TRIL: variants seen among roughly 807,000 people sequenced by gnomAD.
TRIL encodes the protein TLR4 interactor with leucine rich repeats.
TRIL carries 23 observed loss-of-function variants against 43.0 expected under a neutral mutation model. The ratio of observed to expected loss-of-function variants is 0.54; its 90% CI spans 0.39 to 0.76. TRIL has a LOEUF of 0.76. Among genes scored for constraint, TRIL ranks in the 30% least tolerant of loss-of-function variants. TRIL has a pLI of 0.00. For missense variants in TRIL, 1,114 were observed against 1,139.3 expected, an observed-to-expected ratio of 0.98 and a Z score of 0.32; for synonymous variants, 602 against 556.8, an observed-to-expected ratio of 1.08 and a Z score of -1.14.
Position 28,957,784 on chromosome 7 carries a change from A to AGCCG in TRIL, c.259_262dup (p.Leu88ProfsTer185). The stretch of plus-strand genomic sequence containing the variant: ...GCGGATCTGGTTGTACTGCAGGTCC[A>AGCCG]GCCGTCTGAGCTGCCCCAGACGGTG... On this transcript the variant is annotated frameshift_variant, in exon 1 of 1. Transcript: ENST00000539664. LOFTEE classifies it high-confidence loss of function. The AGCCG allele has an allele frequency of 6.2e-7, 1 of 1,613,978 alleles. No individual in the cohort carries two copies. Among genetic ancestry groups the AGCCG allele is most frequent in the Non-Finnish European group, 8.5e-7 (1 of 1,179,846 alleles).
Position 28,957,367 on chromosome 7 carries a change from G to T in TRIL, c.680C>A (p.Pro227Gln). The T allele has an allele frequency of 1.2e-6, 2 of 1,613,168 alleles. No individual in the cohort carries two copies. Among genetic ancestry groups the T allele is most frequent in the East Asian group, 4.5e-5 (2 of 44,850 alleles). The part of the protein sequence containing the change: ...PSLRHAATFA[P>Q]LRSLSSLILS... ...GATGAGGGAGGAGAGGGAGCGCAGC[G>T]GTGCGAAGGTGGCCGCGTGGCGCAG... The change falls in exon 1 of 1, where the codon CCG becomes CAG. Residue 227 changes from proline (P) to glutamine (Q), a missense_variant. Transcript: ENST00000539664.
Position 28,957,639 on chromosome 7 carries a change from G to A in TRIL, c.408C>T (p.Leu136=), listed in dbSNP as rs543063507. Residue 136 remains leucine (L), a synonymous_variant, in exon 1 of 1, where the codon CTC becomes CTT. Transcript: ENST00000539664. ...GGCTGATCTCGTTCCCGTTGGCGTA[G>A]AGGATGCGCAGCTTGCGCAGCGGGG... ...TLAPLRKLRI[L]YANGNEISRL... 7 of 1,610,676 alleles carry A rather than the reference G, an allele frequency of 4.3e-6. No homozygotes were observed. Among genetic ancestry groups the A allele is most frequent in the African/African-American group, 2.7e-5 (2 of 75,028 alleles).
Position 28,957,030 on chromosome 7 carries a change from G to A in TRIL, c.1017C>T (p.Ala339=), listed in dbSNP as rs1783415670. The change falls in exon 1 of 1, where the codon GCC becomes GCT. Residue 339 remains alanine (A), a synonymous_variant. Coordinates refer to ENST00000539664, the MANE Select transcript of TRIL (RefSeq NM_014817.4). The stretch of plus-strand genomic sequence containing the variant: ...TGGCGGCGAAGATGTCCCCGGATAG[G>A]GCGCTGAGCGCGTTGTTGCGCAGGC... ...ELSLRNNALS[A]LSGDIFAASP... The A allele has an allele frequency of 1.3e-6, 2 of 1,580,586 alleles. No homozygotes were observed. Among genetic ancestry groups the A allele is most frequent in the African/African-American group, 1.3e-5 (1 of 74,112 alleles).
At position 28,957,700 on chromosome 7, in the gene TRIL, T is replaced by C. The variant is rs1783429455; in HGVS notation, c.347A>G (p.Asn116Ser). 6.2e-7 allele frequency: 1 copy of C among 1,611,012 alleles called. No individual in the cohort carries two copies. The highest frequency in any genetic ancestry group is 1.1e-5 in the South Asian group (1 of 90,602). The stretch of plus-strand genomic sequence containing the variant: ...CGGGGCGAGCGCCTGCAAGAGGTTG[T>C]TCCCCAGGTACAGCTCTTCCAGCCG... ...LSRLEELYLG[N>S]NLLQALAPGT... The change falls in exon 1 of 1, where the codon AAC becomes AGC. Residue 116 changes from asparagine (N) to serine (S), a missense_variant. Asn to Ser is a conservative substitution (Grantham distance 46, BLOSUM62 1). Transcript: ENST00000539664.
chr7:28,956,420 C>T lies in TRIL; in HGVS notation c.1627G>A (p.Ala543Thr). 1 of 1,537,678 alleles carries T rather than the reference C, an allele frequency of 6.5e-7. No individual in the cohort carries two copies. The highest frequency in any genetic ancestry group is 8.7e-7 in the Non-Finnish European group (1 of 1,148,358). ...TASPGSAPSP[A>T]GDPWQRATKH... Reference sequence around the variant, plus strand: ...GTCGCGCGCTGCCAGGGGTCGCCGGCGGGCGATGGCGCAGAGCCAGGAGAG... The same window carrying T: ...GTCGCGCGCTGCCAGGGGTCGCCGGTGGGCGATGGCGCAGAGCCAGGAGAG... Residue 543 changes from alanine to threonine, a missense_variant, in exon 1 of 1, where the codon GCC (alanine) becomes ACC (threonine). Transcript: ENST00000539664.
In TRIL at chr7:28,956,626, T is replaced by A. The variant is rs1254058551; in HGVS notation, c.1421A>T (p.Glu474Val). 2 of 1,565,680 alleles carry A rather than the reference T, an allele frequency of 1.3e-6. No individual in the cohort carries two copies. The highest frequency in any genetic ancestry group is 1.7e-6 in the Non-Finnish European group (2 of 1,159,320). Residue 474 changes from glutamate (E) to valine (V), a missense_variant, in exon 1 of 1, where the codon GAG becomes GTG. Transcript: ENST00000539664. ...AGVAWDGAAR[E>V]LVGNRSALRL... is the part of the protein sequence containing the mutation. ...TAGGGCGCTGCGGTTGCCTACCAGC[T>A]CCCTGGCGGCCCCATCCCAGGCCAC...
Position 28,955,728 on chromosome 7 carries a change from C to T in TRIL, c.2319G>A (p.Ala773=), listed in dbSNP as rs1463291310. ...QSHRPRTTVC[A]LSEADLIEFP... ...ATTCGATGAGGTCCGCCTCACTGAG[C>T]GCGCACACGGTGGTGCGTGGCCGGT... The change falls in exon 1 of 1, where the codon GCG becomes GCA. Residue 773 remains alanine, a synonymous_variant. Transcript: ENST00000539664. 1.3e-6 allele frequency: 2 copies of T among 1,550,336 alleles called. No homozygotes were observed. The highest frequency in any genetic ancestry group is 1.7e-6 in the Non-Finnish European group (2 of 1,146,916).
Position 28,957,637 on chromosome 7 carries a change from T to C in TRIL, c.410A>G (p.Tyr137Cys), listed in dbSNP as rs1215000309. ...LAPLRKLRIL[Y>C]ANGNEISRLS... ...GCGGCTGATCTCGTTCCCGTTGGCGTAGAGGATGCGCAGCTTGCGCAGCGG... is the reference window on the plus strand; with the variant it reads ...GCGGCTGATCTCGTTCCCGTTGGCGCAGAGGATGCGCAGCTTGCGCAGCGG... The change falls in exon 1 of 1, where the codon TAC (tyrosine) becomes TGC (cysteine). Residue 137 changes from tyrosine (Y) to cysteine (C), a missense_variant. Physicochemically the swap from Tyr to Cys is radical, Grantham distance 194. Coordinates refer to ENST00000539664, the MANE Select transcript of TRIL (RefSeq NM_014817.4). 4.3e-6 allele frequency: 7 copies of C among 1,610,606 alleles called. No homozygotes were observed. Among genetic ancestry groups the C allele is most frequent in the Non-Finnish European group, 5.1e-6 (6 of 1,178,632 alleles).
chr7:28,957,776 G>C lies in TRIL; in HGVS notation c.271C>G (p.Gln91Glu). The C allele has an allele frequency of 6.2e-7, 1 of 1,613,982 alleles. No homozygotes were observed. Among genetic ancestry groups the C allele is most frequent in the Non-Finnish European group, 8.5e-7 (1 of 1,179,856 alleles). The change falls in exon 1 of 1, where the codon CAG becomes GAG. Residue 91 changes from glutamine to glutamate, a missense_variant. Transcript: ENST00000539664. The stretch of plus-strand genomic sequence containing the variant: ...TGCAGAGAGCGGATCTGGTTGTACT[G>C]CAGGTCCAGCCGTCTGAGCTGCCCC... ...RLGQLRRLDL[Q>E]YNQIRSLHPK...
chr7:28,957,685 G>T lies in TRIL; in HGVS notation c.362C>A (p.Ala121Glu), dbSNP rs1216357814. The change falls in exon 1 of 1, where the codon GCG becomes GAG. Residue 121 changes from alanine (A) to glutamate (E), a missense_variant. By Grantham distance (107) the Ala-to-Glu change is moderately radical. Coordinates refer to ENST00000539664, the MANE Select transcript of TRIL (RefSeq NM_014817.4). Reference protein sequence around the residue: ...ELYLGNNLLQALAPGTLAPLR... With the variant: ...ELYLGNNLLQELAPGTLAPLR... Reference sequence around the variant, plus strand: ...CGGGGCCAGCGTGCCCGGGGCGAGCGCCTGCAAGAGGTTGTTCCCCAGGTA... The same window carrying T: ...CGGGGCCAGCGTGCCCGGGGCGAGCTCCTGCAAGAGGTTGTTCCCCAGGTA... The T allele has an allele frequency of 1.9e-6, 3 of 1,608,722 alleles. No homozygotes were observed. The highest frequency in any genetic ancestry group is 2.5e-6 in the Non-Finnish European group (3 of 1,177,688).
chr7:28,958,223 G>A lies in TRIL; in HGVS notation c.-177C>T, dbSNP rs1408762400. 23 of 892,656 alleles carry A rather than the reference G, an allele frequency of 2.6e-5. No homozygotes were observed. Among genetic ancestry groups the A allele is most frequent in the Non-Finnish European group, 3.5e-5 (22 of 623,570 alleles). The allele number at this position is 892,656 out of a possible 1,614,324, so 55.3% of individuals were successfully genotyped here. On this transcript the variant is annotated 5_prime_UTR_variant, in exon 1 of 1. Coordinates refer to ENST00000539664, the MANE Select transcript of TRIL (RefSeq NM_014817.4). ...AGGCCGGCCCGGGTCTCTGCAGGCG[G>A]GCTTCGCCCGGCCAAGTCAGGCGGC... is the stretch of plus-strand genomic sequence containing the variant.
rs1032825457 is a variant in TRIL at position 28,956,024 on chromosome 7, G to A, written c.2023C>T (p.Arg675Trp). The A allele has an allele frequency of 3.2e-6, 5 of 1,549,788 alleles. No homozygotes were observed. Among genetic ancestry groups the A allele is most frequent in the Admixed American group, 1.9e-5 (1 of 52,152 alleles). ...GTGACCAGCCCCGCGCAGTGGTCCC[G>A]GGGAGCCACAGGGCAGACACGGCCC... ...LGGRVCPVAP[R>W]DHCAGLVTLP... The change falls in exon 1 of 1, where the codon CGG becomes TGG. Residue 675 changes from arginine (R) to tryptophan (W), a missense_variant. Physicochemically the swap from Arg to Trp is moderately radical, Grantham distance 101. Transcript: ENST00000539664.
In TRIL at chr7:28,957,322, T is replaced by C. The variant is rs1186380979; in HGVS notation, c.725A>G (p.Gln242Arg). Residue 242 changes from glutamine to arginine, a missense_variant, in exon 1 of 1, where the codon CAG (glutamine) becomes CGG (arginine). Gln to Arg is a conservative substitution (Grantham distance 43). Coordinates refer to ENST00000539664, the MANE Select transcript of TRIL (RefSeq NM_014817.4). ...CTGGAAGATGCGCGGCCCGAGGTGC[T>C]GCAGGTTGTTGGCCGAGAGGATGAG... ...SSLILSANNL[Q>R]HLGPRIFQHL... 2 of 1,612,310 alleles carry C rather than the reference T, an allele frequency of 1.2e-6. No individual in the cohort carries two copies. The highest frequency in any genetic ancestry group is 1.7e-6 in the Non-Finnish European group (2 of 1,179,750).
In TRIL at chr7:28,956,887, A is replaced by T; in HGVS notation, c.1160T>A (p.Phe387Tyr). 1.2e-6 allele frequency: 2 copies of T among 1,610,224 alleles called. No individual in the cohort carries two copies. The highest frequency in any genetic ancestry group is 1.7e-6 in the Non-Finnish European group (2 of 1,178,286). ...GGCCGGGGGGTGGCGACACTGCACGAAGACAGTGAGGAGCCGGCCCTGCGA... is the reference window on the plus strand; with the variant it reads ...GGCCGGGGGGTGGCGACACTGCACGTAGACAGTGAGGAGCCGGCCCTGCGA... Reference protein sequence around the residue: ...WHSQGRLLTVFVQCRHPPALR... With the variant: ...WHSQGRLLTVYVQCRHPPALR... The change falls in exon 1 of 1, where the codon TTC (phenylalanine) becomes TAC (tyrosine). Residue 387 changes from phenylalanine (F) to tyrosine (Y), a missense_variant. Physicochemically the swap from Phe to Tyr is conservative, Grantham distance 22 (BLOSUM62 3). Transcript: ENST00000539664.
rs1327526041 is a variant in TRIL at position 28,953,957 on chromosome 7, G to T, written c.*1654C>A. 6.6e-6 allele frequency: 1 copy of T among 152,664 alleles called. No homozygotes were observed. The highest frequency in any genetic ancestry group is 2.4e-5 in the African/African-American group (1 of 41,424). The allele number at this position is 152,664 out of a possible 1,614,324, so 9.5% of individuals were successfully genotyped here. A position where few individuals can be genotyped will look rare whatever the true frequency, so the allele number is the denominator to read the frequency against. Reference sequence around the variant, plus strand: ...GAGTGAACTGGGGTGAAAGACCCGGGGCTGTGATGGATTCCCTGAGTCACC... The same window carrying T: ...GAGTGAACTGGGGTGAAAGACCCGGTGCTGTGATGGATTCCCTGAGTCACC... On this transcript the variant is annotated 3_prime_UTR_variant, in exon 1 of 1. Transcript: ENST00000539664.
Position 28,956,089 on chromosome 7 carries a change from C to A in TRIL, c.1958G>T (p.Gly653Val). The A allele has an allele frequency of 6.4e-7, 1 of 1,555,392 alleles. No individual in the cohort carries two copies. Among genetic ancestry groups the A allele is most frequent in the South Asian group, 1.2e-5 (1 of 84,676 alleles). Residue 653 changes from glycine to valine, a missense_variant, in exon 1 of 1, where the codon GGG (glycine) becomes GTG (valine). Physicochemically the swap from Gly to Val is moderately radical, Grantham distance 109. Coordinates refer to ENST00000539664, the MANE Select transcript of TRIL (RefSeq NM_014817.4). ...SDSATLRELR[G>V]DTPYLVCVEG... ...CACGCACACCAGGTAGGGGGTGTCCCCGCGCAGCTCGCGCAGCGTGGCCGA... is the reference window on the plus strand; with the variant it reads ...CACGCACACCAGGTAGGGGGTGTCCACGCGCAGCTCGCGCAGCGTGGCCGA...
chr7:28,955,243 A>G lies in TRIL; in HGVS notation c.*368T>C. On this transcript the variant is annotated 3_prime_UTR_variant, in exon 1 of 1. Coordinates refer to ENST00000539664, the MANE Select transcript of TRIL (RefSeq NM_014817.4). ...TTCTCTGTTTGACACTGAGCAAACA[A>G]AAAGCATGCACCCAAATATTTCTGG... is the stretch of plus-strand genomic sequence containing the variant. The G allele has an allele frequency of 1.2e-5, 3 of 260,544 alleles. No homozygotes were observed. Among genetic ancestry groups the G allele is most frequent in the Non-Finnish European group, 2.2e-5 (3 of 138,868 alleles). 16.1% of individuals were successfully genotyped at this position (260,544 alleles called of 1,614,324 possible).
rs757832348 is a variant in TRIL at position 28,957,777 on chromosome 7, C to G, written c.270G>C (p.Leu90=). 6.2e-7 allele frequency: 1 copy of G among 1,613,988 alleles called. No homozygotes were observed. The highest frequency in any genetic ancestry group is 1.1e-5 in the South Asian group (1 of 91,082). The change falls in exon 1 of 1, where the codon CTG becomes CTC. Residue 90 remains leucine (L), a synonymous_variant. Coordinates refer to ENST00000539664, the MANE Select transcript of TRIL (RefSeq NM_014817.4). ...HRLGQLRRLD[L]QYNQIRSLHP... is the part of the protein sequence containing the mutation. Reference sequence around the variant, plus strand: ...GCAGAGAGCGGATCTGGTTGTACTGCAGGTCCAGCCGTCTGAGCTGCCCCA... The same window carrying G: ...GCAGAGAGCGGATCTGGTTGTACTGGAGGTCCAGCCGTCTGAGCTGCCCCA...
At position 28,955,325 on chromosome 7, in the gene TRIL, C is replaced by A; in HGVS notation, c.*286G>T. ...CCCCCAAAGCCTGGCTTCTGCATTG[C>A]AGTGCTACAAAAGCCATTCGCATAG... On this transcript the variant is annotated 3_prime_UTR_variant, in exon 1 of 1. Coordinates refer to ENST00000539664, the MANE Select transcript of TRIL (RefSeq NM_014817.4). The A allele has an allele frequency of 4.6e-6, 2 of 432,878 alleles. No individual in the cohort carries two copies. The highest frequency in any genetic ancestry group is 8.0e-6 in the Non-Finnish European group (2 of 248,758). 26.8% of individuals were successfully genotyped at this position (432,878 alleles called of 1,614,324 possible). A position where few individuals can be genotyped will look rare whatever the true frequency, so the allele number is the denominator to read the frequency against.
Sources: allele counts gnomAD v4.1 joint callset, GRCh38; gene constraint gnomAD v4.1.1; transcripts MANE v1.5; gene names NCBI Gene and HGNC (gene_info 2026-07-23, HGNC 2026-07-21).